The following RIMS1 variants were observed in gnomAD, a reference collection of about 807,000 sequenced individuals.
RIMS1 encodes the protein regulating synaptic membrane exocytosis 1.
Under a neutral mutation model 214.1 loss-of-function variants are expected in RIMS1, and 83 were observed. That is an observed-to-expected ratio of 0.39 (90% confidence interval 0.32 to 0.47). The LOEUF (loss-of-function observed/expected upper bound fraction) is 0.47. RIMS1 is among the 20% of genes least tolerant of loss of function. The pLI, the probability that RIMS1 is intolerant of heterozygous loss-of-function variation, is 0.99. For missense variants in RIMS1, 2,050 were observed against 2,161.8 expected (o/e 0.95, Z 1.03); for synonymous variants, 793 against 786.8 (o/e 1.01, Z -0.13).
intron 6 of RIMS1, among the ~76,000 whole-genome samples, chr6:72,202,974 ATTCT>A (rs1024773804): frequency 3.3e-5 from 5 of 152,090 alleles, no homozygotes; most frequent in Non-Finnish European, 4.4e-5. Flanking sequence ...CTCCATAAAT[ATTCT>A]TTCTTTCTTT....
intron 6 of RIMS1, chr6:72,217,255 T>C (rs1562650156): frequency 2.0e-6 from 3 of 1,520,818 alleles, no homozygotes; most frequent in South Asian, 1.2e-5. Flanking sequence ...TAAACTAAAT[T>C]ATATTAATCT....
intron 1 of RIMS1, among the ~76,000 whole-genome samples, chr6:71,944,858 A>G (rs1304438047): frequency 6.6e-6 from 1 of 152,132 alleles, no homozygotes; most frequent in Non-Finnish European, 1.5e-5. Context: ...TTTTTTGACA[A>G]TGTACCACTG....
Position 72,079,994 on chromosome 6 carries a change from T to C in RIMS1, c.246-16955T>C, listed in dbSNP as rs906508707. 2.4e-4 allele frequency among the ~76,000 whole-genome samples: 35 copies of C among 146,124 alleles called. No individual in the cohort carries two copies. In the Middle Eastern group the frequency reaches 0.011, roughly 46 times the overall value. On this transcript the variant is annotated intron_variant, in intron 2 of 33. Transcript: ENST00000521978. ...GCTCATTCCTGTAATGCCAACACTT[T>C]GGGAGGCTGAGGCAGGTGGATCACT... is the stretch of plus-strand genomic sequence containing the variant.
rs189392540 is a variant in RIMS1, at chr6:72,359,716, T to G, written c.4366+25881T>G. 1.5e-4 allele frequency among the ~76,000 whole-genome samples: 23 copies of G among 152,316 alleles called. No individual in the cohort carries two copies. In the East Asian group the frequency reaches 4.2e-3, roughly 28 times the overall value. On this transcript the variant is annotated intron_variant, in intron 29 of 33. Coordinates refer to ENST00000521978, the MANE Select transcript of RIMS1 (RefSeq NM_014989.7). Reference sequence around the variant, plus strand: ...ACTAAATGTGTAAAATAGCAAGGGTTCCTTTCCAGTTGAAAATCTCCCTTC... The same window carrying G: ...ACTAAATGTGTAAAATAGCAAGGGTGCCTTTCCAGTTGAAAATCTCCCTTC...
intron 6 of RIMS1, among the ~76,000 whole-genome samples, chr6:72,207,877 G>T (rs763368599): frequency 2.0e-5 from 3 of 152,046 alleles, no homozygotes; most frequent in Non-Finnish European, 4.4e-5. Context: ...TGTGAAAGAG[G>T]AATCTCTAAT....
chr6:72,230,601 T>A (rs979807935), intron 6 of RIMS1, among the ~76,000 whole-genome samples: 4 of 151,590 alleles, frequency 2.6e-5, no homozygotes, highest in African/African-American at 9.7e-5. Context: ...GACATCATGA[T>A]ACACAATTCT....
rs545991660 is a variant in RIMS1 at position 72,000,497 on chromosome 6, C to T, written c.245+31434C>T. On this transcript the variant is annotated intron_variant, in intron 2 of 33. Coordinates refer to ENST00000521978, the MANE Select transcript of RIMS1 (RefSeq NM_014989.7). ...TTTCTCTTCTCTACAATCTTTTCTA[C>T]AACCCATAATCACACTTAAATACTC... is the stretch of plus-strand genomic sequence containing the variant. Among the ~76,000 whole-genome samples, 7 of 152,280 alleles carry T rather than the reference C, an allele frequency of 4.6e-5. No individual in the cohort carries two copies. In the South Asian group the frequency reaches 1.4e-3, roughly 32 times the overall value.
rs575699635 is a variant in RIMS1, at chr6:72,082,543, C to T, written c.246-14406C>T. Among the ~76,000 whole-genome samples, 9 of 152,206 alleles carry T rather than the reference C, an allele frequency of 5.9e-5. No homozygotes were observed. The South Asian group carries it at 1.5e-3, about 25-fold the overall frequency. On this transcript the variant is annotated intron_variant, in intron 2 of 33. Coordinates refer to ENST00000521978, the MANE Select transcript of RIMS1 (RefSeq NM_014989.7). The stretch of plus-strand genomic sequence containing the variant: ...AAAGTTTTGAACCCAGGAAATTTGG[C>T]GCTAGAACCACTGGGCTCTGCTCTT...
intron 4 of RIMS1, among the ~76,000 whole-genome samples, chr6:72,101,978 C>A (rs924374829): frequency 6.6e-6 from 1 of 151,944 alleles, no homozygotes; most frequent in African/African-American, 2.4e-5. Context: ...TGCACACTCT[C>A]ATTGGCAAAA....
At position 71,886,675 on chromosome 6, in the gene RIMS1, A is replaced by G; in HGVS notation, c.-349A>G. ...CCGCCGGAGACGCCCGGATCGGCGG[A>G]GCCTGGCGCGAGCCCTCGCCCCCTC... is the stretch of plus-strand genomic sequence containing the variant. On this transcript the variant is annotated 5_prime_UTR_variant, in exon 1 of 34. Transcript: ENST00000521978. 6.7e-6 allele frequency: 1 copy of G among 150,244 alleles called. No homozygotes were observed. The highest frequency in any genetic ancestry group is 1.5e-5 in the Non-Finnish European group (1 of 67,222). The allele number at this position is 150,244 out of a possible 1,614,324, so 9.3% of individuals were successfully genotyped here.
intron 1 of RIMS1, among the ~76,000 whole-genome samples, chr6:71,893,652 T>A (rs961739469): frequency 1.3e-5 from 2 of 152,238 alleles, no homozygotes; most frequent in African/African-American, 4.8e-5. Context: ...AGATTCTTTA[T>A]TGGATGCCTT....
intron 1 of RIMS1, among the ~76,000 whole-genome samples, chr6:71,918,028 T>G (rs1250885974): frequency 3.3e-5 from 5 of 152,054 alleles, no homozygotes; most frequent in Non-Finnish European, 7.4e-5. Flanking sequence ...CAGTTGGAGA[T>G]GCTAAGTACG....
intron 2 of RIMS1, among the ~76,000 whole-genome samples, chr6:71,998,104 C>CCA (rs1804026564): frequency 1.3e-5 from 2 of 152,110 alleles, no homozygotes; most frequent in Non-Finnish European, 2.9e-5. Context: ...GGGTCTCCTG[C>CCA]CACTGCCTTC....
chr6:72,287,530 A>G (rs2154240031), intron 24 of RIMS1, among the ~76,000 whole-genome samples: 4 of 152,286 alleles, frequency 2.6e-5, no homozygotes. Context: ...GTTTAGATAC[A>G]TACTTGAAGA....
At chr6:72,326,131 C>T (rs983002869) in intron 28 of RIMS1, among the ~76,000 whole-genome samples, 1 of 151,752 alleles carries the variant, frequency 6.6e-6, no homozygotes, top group Non-Finnish European at 1.5e-5. Context: ...CTTGTTCCTT[C>T]TTAAGGCTTA....
chr6:71,988,223 C>T (rs1322222069), intron 2 of RIMS1, among the ~76,000 whole-genome samples: 1 of 152,160 alleles, frequency 6.6e-6, no homozygotes, highest in Non-Finnish European at 1.5e-5. Flanking sequence ...CTTTCAGTAA[C>T]CAATTTTTCA....
chr6:72,205,729 A>G lies in RIMS1; in HGVS notation c.1678+22580A>G, dbSNP rs547187454. Among the ~76,000 whole-genome samples, 155 of 152,304 alleles carry G rather than the reference A, an allele frequency of 1.0e-3. 1 individual carries two copies. Among genetic ancestry groups the G allele is most frequent in the African/African-American group, 3.3e-3 (138 of 41,586 alleles). The stretch of plus-strand genomic sequence containing the variant: ...ATTGCATCACAAAGAGTATCTTGGC[A>G]TAATAAATACTTTATGATAGATATG... On this transcript the variant is annotated intron_variant, in intron 6 of 33. Coordinates refer to ENST00000521978, the MANE Select transcript of RIMS1 (RefSeq NM_014989.7).
chr6:72,111,352 A>G (rs1388217863), intron 4 of RIMS1, among the ~76,000 whole-genome samples: 1 of 152,192 alleles, frequency 6.6e-6, no homozygotes, highest in African/African-American at 2.4e-5. Context: ...AGCTACTCTT[A>G]TATGATTATT....
At chr6:72,345,022 C>T (rs1232054453) in intron 29 of RIMS1, among the ~76,000 whole-genome samples, 1 of 151,616 alleles carries the variant, frequency 6.6e-6, no homozygotes, top group East Asian at 1.9e-4. Flanking sequence ...AAAATAATTA[C>T]ACATGTTGAT....
Sources: gnomAD v4.1 joint callset for allele counts (sites outside exome capture counted in the v4.1 genomes callset) on GRCh38, gnomAD v4.1.1 for gene constraint, MANE v1.5 for transcripts, NCBI Gene and HGNC (gene_info 2026-07-23, HGNC 2026-07-21) for gene names.